Variants in SPOCK3 observed in about 807,000 individuals in gnomAD.
SPOCK3 encodes SPARC (osteonectin), cwcv and kazal like domains proteoglycan 3, also known as testican-3.
A neutral mutation model predicts 56.6 loss-of-function variants in SPOCK3; 30 were observed. The ratio of observed to expected loss-of-function variants is 0.53; its 90% CI spans 0.40 to 0.72. The LOEUF (loss-of-function observed/expected upper bound fraction) is 0.72. Among genes scored for constraint, SPOCK3 ranks in the 30% least tolerant of loss-of-function variants. The pLI is 0.00. For missense variants in SPOCK3, 527 were observed against 530.0 expected, an observed-to-expected ratio of 0.99 and a Z score of 0.06; for synonymous variants, 196 against 183.3, an observed-to-expected ratio of 1.07 and a Z score of -0.56.
intron 6 of SPOCK3, among the ~76,000 whole-genome samples, chr4:166,855,805 G>A (rs1033983490): frequency 2.0e-5 from 3 of 152,084 alleles, no homozygotes; most frequent in African/African-American, 7.2e-5. Context: ...CTGGAAATTT[G>A]TATTTCTAAT....
chr4:166,746,381 C>T (rs1426665066), intron 8 of SPOCK3, among the ~76,000 whole-genome samples: 1 of 150,464 alleles, frequency 6.6e-6, no homozygotes, highest in Non-Finnish European at 1.5e-5. Flanking sequence ...CAACCTGCTC[C>T]TTACTGGGTA....
rs1734346611 is a variant in SPOCK3 at position 166,737,605 on chromosome 4, C to G, written c.995-1G>C. 1 of 1,606,498 alleles carries G rather than the reference C, an allele frequency of 6.2e-7. No individual in the cohort carries two copies. The highest frequency in any genetic ancestry group is 8.5e-7 in the Non-Finnish European group (1 of 1,176,976). On this transcript the variant is annotated splice_acceptor_variant, in intron 9 of 10. Coordinates refer to ENST00000357545, the MANE Select transcript of SPOCK3 (RefSeq NM_001040159.2). LOFTEE classifies it high-confidence loss of function. ...TCATCACACAGGGGGATATACTGTC[C>G]TGTTGAAACAACACACAGGCATACA...
chr4:167,194,355 C>T (rs991750244), intron 2 of SPOCK3, among the ~76,000 whole-genome samples: 1 of 152,170 alleles, frequency 6.6e-6, no homozygotes, highest in Non-Finnish European at 1.5e-5. Context: ...CATTCTCTTG[C>T]ATCTCATTGA....
At chr4:166,870,969 C>T (rs1279640276) in intron 6 of SPOCK3, among the ~76,000 whole-genome samples, 1 of 151,998 alleles carries the variant, frequency 6.6e-6, no homozygotes, top group Non-Finnish European at 1.5e-5. Flanking sequence ...GTCTCTCCTG[C>T]CACCATGTAA....
At chr4:166,764,197 C>CT (rs924315787) in intron 7 of SPOCK3, among the ~76,000 whole-genome samples, 8 of 150,644 alleles carry the variant, frequency 5.3e-5, no homozygotes, top group African/African-American at 4.9e-5. Flanking sequence ...AAGATATCCA[C>CT]TTTTTTTTTA....
intron 2 of SPOCK3, among the ~76,000 whole-genome samples, chr4:167,164,954 C>A (rs1765631559): frequency 1.3e-5 from 2 of 151,938 alleles, no homozygotes; most frequent in Admixed American, 6.6e-5. Context: ...GGTATATATC[C>A]AGTAATGGGA....
At chr4:167,044,420 C>A (rs976783556) in intron 3 of SPOCK3, among the ~76,000 whole-genome samples, 2 of 122,300 alleles carry the variant, frequency 1.6e-5, no homozygotes, top group Non-Finnish European at 3.4e-5. Flanking sequence ...TTCCTTTTTT[C>A]AATTTAATTG....
intron 8 of SPOCK3, among the ~76,000 whole-genome samples, chr4:166,742,270 T>TATCTATC (rs1553961213): frequency 6.6e-5 from 10 of 150,662 alleles, no homozygotes. Context: ...TCTATCTATC[T>TATCTATC]ATCTATCTAA....
In SPOCK3 at chr4:167,022,943, T is replaced by A. The variant is rs62352381; in HGVS notation, c.236-22480A>T. On this transcript the variant is annotated intron_variant, in intron 3 of 10. Transcript: ENST00000357545. ...ATAAATGCCACTCAGAGAGAGCTCTTAAATCTTTTATAACAGTCAGCTCTT... is the reference window on the plus strand; with the variant it reads ...ATAAATGCCACTCAGAGAGAGCTCTAAAATCTTTTATAACAGTCAGCTCTT... Among the ~76,000 whole-genome samples, 564 of 152,116 alleles carry A rather than the reference T, an allele frequency of 3.7e-3. 2 individuals carry two copies. Among genetic ancestry groups the A allele is most frequent in the South Asian group, 6.4e-3 (31 of 4,826 alleles).
At chr4:166,865,886 C>T (rs1731776352) in intron 6 of SPOCK3, among the ~76,000 whole-genome samples, 2 of 152,120 alleles carry the variant, frequency 1.3e-5, no homozygotes, top group Admixed American at 6.6e-5. Flanking sequence ...ATGCTATCCC[C>T]ATCATGCTAC....
chr4:167,101,911 T>C (rs1047884626), intron 2 of SPOCK3, among the ~76,000 whole-genome samples: 2 of 151,494 alleles, frequency 1.3e-5, no homozygotes, highest in African/African-American at 2.4e-5. Flanking sequence ...TTAGTAGAGA[T>C]GGGGTTTCAC....
Position 166,893,095 on chromosome 4 carries a change from G to A in SPOCK3, c.475-3851C>T, listed in dbSNP as rs1734962021. ...GGCAGAAGGGAGAGTGATTGTTTGGGCATCTACTAGTTAGAAGCCAGGAAT... is the reference window on the plus strand; with the variant it reads ...GGCAGAAGGGAGAGTGATTGTTTGGACATCTACTAGTTAGAAGCCAGGAAT... On this transcript the variant is annotated intron_variant, in intron 5 of 10. Transcript: ENST00000357545. Among the ~76,000 whole-genome samples the A allele has an allele frequency of 2.0e-5, 3 of 152,110 alleles. No homozygotes were observed. The South Asian group carries it at 6.2e-4, about 32-fold the overall frequency.
At chr4:167,112,400 T>C (rs1760978791) in intron 2 of SPOCK3, among the ~76,000 whole-genome samples, 2 of 152,162 alleles carry the variant, frequency 1.3e-5, no homozygotes, top group Admixed American at 1.3e-4. Context: ...AGATAGGTAC[T>C]GACTTGTTAT....
At chr4:166,814,204 A>C (rs1260856419) in intron 6 of SPOCK3, among the ~76,000 whole-genome samples, 6 of 152,086 alleles carry the variant, frequency 3.9e-5, no homozygotes, top group Admixed American at 3.9e-4. Flanking sequence ...AGAAATCGTT[A>C]GGCATCCAGC....
intron 2 of SPOCK3, among the ~76,000 whole-genome samples, chr4:167,205,028 T>G (rs1733900634): frequency 7.0e-6 from 1 of 143,294 alleles, no homozygotes; most frequent in Admixed American, 7.5e-5. Flanking sequence ...AGAGAAGGTG[T>G]CTTTCTATGT....
chr4:166,741,151 T>C (rs958584412), intron 9 of SPOCK3, among the ~76,000 whole-genome samples: 2 of 152,180 alleles, frequency 1.3e-5, no homozygotes, highest in African/African-American at 2.4e-5. Context: ...AAAAGAAATA[T>C]TGCATGTGTG....
At chr4:166,853,725 A>G (rs1730372461) in intron 6 of SPOCK3, among the ~76,000 whole-genome samples, 1 of 152,250 alleles carries the variant, frequency 6.6e-6, no homozygotes, top group Admixed American at 6.5e-5. Flanking sequence ...TCTACTAAAA[A>G]TACTAAACTA....
intron 2 of SPOCK3, among the ~76,000 whole-genome samples, chr4:167,071,388 C>T (rs1756662605): frequency 6.6e-6 from 1 of 151,984 alleles, no homozygotes; most frequent in African/African-American, 2.4e-5. Flanking sequence ...TATCCCTCCC[C>T]TAGCCCCCCA....
chr4:167,174,810 C>T (rs547024917), intron 2 of SPOCK3, among the ~76,000 whole-genome samples: 6 of 152,234 alleles, frequency 3.9e-5, no homozygotes, highest in East Asian at 1.9e-4. Flanking sequence ...CTTAAGTGCG[C>T]GTGCACACGC....
Sources: gnomAD v4.1 joint callset for allele counts (sites outside exome capture counted in the v4.1 genomes callset) on GRCh38, gnomAD v4.1.1 for gene constraint, MANE v1.5 for transcripts, NCBI Gene and HGNC (gene_info 2026-07-23, HGNC 2026-07-21) for gene names.